Variants in CADM2 observed in about 807,000 individuals in gnomAD.
The protein encoded by CADM2 is cell adhesion molecule 2, also known as immunoglobulin superfamily member 4D.
A neutral mutation model predicts 49.8 loss-of-function variants in CADM2; 12 were observed. The ratio of observed to expected loss-of-function variants is 0.24; its 90% CI spans 0.15 to 0.39. CADM2 has a LOEUF of 0.39. CADM2 is among the 10% of genes least tolerant of loss of function. The pLI is 1.00. For synonymous variants in CADM2, 214 were observed against 175.4 expected (o/e 1.22, Z -1.74); for missense variants, 378 against 492.3 (o/e 0.77, Z 2.20).
intron 1 of CADM2, among the ~76,000 whole-genome samples, chr3:85,341,894 T>C (rs2045249024): frequency 6.6e-6 from 1 of 152,162 alleles, no homozygotes; most frequent in Middle Eastern, 3.4e-3. Context: ...AGGAAGACAT[T>C]TTATCCCCTG....
chr3:85,333,056 T>C (rs1017858549), intron 1 of CADM2, among the ~76,000 whole-genome samples: 1 of 151,866 alleles, frequency 6.6e-6, no homozygotes, highest in Non-Finnish European at 1.5e-5. Context: ...GCACTTTTCA[T>C]TGTCTCGTTA....
intron 1 of CADM2, among the ~76,000 whole-genome samples, chr3:85,235,536 T>C (rs1364535162): frequency 6.6e-6 from 1 of 152,134 alleles, no homozygotes; most frequent in African/African-American, 2.4e-5. Flanking sequence ...TGCTATTAAA[T>C]GCACTGTATT....
chr3:85,732,738 A>G (rs2067984443), intron 2 of CADM2, among the ~76,000 whole-genome samples: 1 of 152,292 alleles, frequency 6.6e-6, no homozygotes, highest in Non-Finnish European at 1.5e-5. Flanking sequence ...TTCAATCCAT[A>G]CAAAACCCTC....
At position 86,070,014 on chromosome 3, in the gene CADM2, G is replaced by C. The variant is rs1739716401; in HGVS notation, c.*3231G>C. On this transcript the variant is annotated 3_prime_UTR_variant, in exon 10 of 10. Transcript: ENST00000383699. The stretch of plus-strand genomic sequence containing the variant: ...AAGAGAGAAAGAGAAATCGAAAAGA[G>C]AGAGAAATTTCAACTTGTTTTCTTT... 1 of 151,746 alleles carries C rather than the reference G, an allele frequency of 6.6e-6. No individual in the cohort carries two copies. The highest frequency in any genetic ancestry group is 1.5e-5 in the Non-Finnish European group (1 of 67,780). The allele number at this position is 151,746 out of a possible 1,614,324, so 9.4% of individuals were successfully genotyped here. A position where few individuals can be genotyped will look rare whatever the true frequency, so the allele number is the denominator to read the frequency against.
chr3:85,916,857 C>T (rs900356981), intron 6 of CADM2, among the ~76,000 whole-genome samples: 67 of 152,128 alleles, frequency 4.4e-4, no homozygotes, highest in Middle Eastern at 3.4e-3. Context: ...TTTTAATGAT[C>T]GCCATTCTAA....
intron 1 of CADM2, among the ~76,000 whole-genome samples, chr3:85,043,334 G>C (rs2035517628): frequency 6.6e-6 from 1 of 151,708 alleles, no homozygotes; most frequent in African/African-American, 2.4e-5. Context: ...GTATGTTATA[G>C]GGTGCCATGT....
chr3:85,383,793 T>C lies in CADM2; in HGVS notation c.62-342729T>C, dbSNP rs185738622. 2.0e-3 allele frequency among the ~76,000 whole-genome samples: 308 copies of C among 151,994 alleles called. 3 individuals are homozygous for C. Among genetic ancestry groups the C allele is most frequent in the African/African-American group, 7.2e-3 (300 of 41,544 alleles). ...TCTTCAATACTCACTGTTCCTCCTTTGATATTTTGTTTTCAAAAAAGTTCC... is the reference window on the plus strand; with the variant it reads ...TCTTCAATACTCACTGTTCCTCCTTCGATATTTTGTTTTCAAAAAAGTTCC... On this transcript the variant is annotated intron_variant, in intron 1 of 9. Transcript: ENST00000383699.
chr3:85,214,096 C>G (rs781319374), intron 1 of CADM2, among the ~76,000 whole-genome samples: 72 of 152,092 alleles, frequency 4.7e-4, no homozygotes, highest in Non-Finnish European at 9.7e-4. Flanking sequence ...TTCGAAGGGA[C>G]TCAGGTGTTG....
chr3:85,916,431 T>C (rs1718338833), intron 6 of CADM2, among the ~76,000 whole-genome samples: 2 of 151,660 alleles, frequency 1.3e-5, no homozygotes, highest in Admixed American at 1.3e-4. Context: ...GTTTGGTTTT[T>C]TGTCCTTGAG....
At chr3:85,510,940 CA>C (rs1213428421) in intron 1 of CADM2, among the ~76,000 whole-genome samples, 1 of 151,950 alleles carries the variant, frequency 6.6e-6, no homozygotes, top group African/African-American at 2.4e-5. Flanking sequence ...ATATCCAATA[CA>C]AAACATAGAT....
intron 1 of CADM2, among the ~76,000 whole-genome samples, chr3:85,087,084 C>A (rs761572628): frequency 2.0e-5 from 3 of 152,064 alleles, no homozygotes; most frequent in Admixed American, 1.3e-4. Context: ...AGAGCAGTTT[C>A]TTGAGGGAAG....
At chr3:85,599,985 A>C (rs1196718454) in intron 1 of CADM2, among the ~76,000 whole-genome samples, 1 of 152,008 alleles carries the variant, frequency 6.6e-6, no homozygotes, top group Non-Finnish European at 1.5e-5. Context: ...ATTTCCTTAG[A>C]TAAAATGAAA....
chr3:85,443,440 G>A (rs1299574042), intron 1 of CADM2, among the ~76,000 whole-genome samples: 5 of 151,944 alleles, frequency 3.3e-5, no homozygotes, highest in Admixed American at 2.0e-4. Context: ...CTCTGCATCC[G>A]TTAACAGCCA....
chr3:85,274,911 G>T (rs1219902208), intron 1 of CADM2, among the ~76,000 whole-genome samples: 1 of 151,468 alleles, frequency 6.6e-6, no homozygotes, highest in Admixed American at 6.6e-5. Flanking sequence ...CACTGAAAGT[G>T]CAGGGGAGTA....
chr3:85,673,235 T>C (rs148857097), intron 1 of CADM2, among the ~76,000 whole-genome samples: 39 of 152,254 alleles, frequency 2.6e-4, no homozygotes, highest in African/African-American at 9.4e-4. Flanking sequence ...AACCTCACTG[T>C]CACTTAGTCA....
chr3:85,721,693 T>G lies in CADM2; in HGVS notation c.62-4829T>G, dbSNP rs969054148. ...GGAACCAAGGTAGTGCCTGGAAGCT[T>G]GGAGACTCTAGGAACTGCAGGGCCC... On this transcript the variant is annotated intron_variant, in intron 1 of 9. Transcript: ENST00000383699. Among the ~76,000 whole-genome samples the G allele has an allele frequency of 3.6e-4, 55 of 152,144 alleles. 1 individual carries two copies. Among genetic ancestry groups the G allele is most frequent in the East Asian group, 1.9e-4 (1 of 5,170 alleles).
chr3:85,928,057 A>G (rs983284615), intron 6 of CADM2, among the ~76,000 whole-genome samples: 1 of 152,146 alleles, frequency 6.6e-6, no homozygotes, highest in Non-Finnish European at 1.5e-5. Flanking sequence ...TGCTGGATCA[A>G]TATCTTTACT....
intron 1 of CADM2, among the ~76,000 whole-genome samples, chr3:85,692,205 T>G (rs567699962): frequency 6.6e-6 from 1 of 152,310 alleles, no homozygotes; most frequent in Non-Finnish European, 1.5e-5. Context: ...AGAGTTTTGC[T>G]AAAGGATTGT....
chr3:85,106,664 G>A (rs554497391), intron 1 of CADM2, among the ~76,000 whole-genome samples: 1 of 152,226 alleles, frequency 6.6e-6, no homozygotes, highest in South Asian at 2.1e-4. Context: ...TAGTAACCTA[G>A]TATTTGGATA....
Sources: allele counts gnomAD v4.1 joint callset (sites outside exome capture counted in the v4.1 genomes callset), GRCh38; gene constraint gnomAD v4.1.1; transcripts MANE v1.5; gene names NCBI Gene and HGNC (gene_info 2026-07-23, HGNC 2026-07-21).